Variants in TBX5 observed in about 807,000 individuals in gnomAD.
TBX5 encodes the protein T-box transcription factor TBX5.
A neutral mutation model predicts 51.1 loss-of-function variants in TBX5; 8 were observed. The observed-to-expected ratio is 0.16, with a 90% CI of 0.09 to 0.28. TBX5 has a LOEUF of 0.28. TBX5 is among the 10% of genes least tolerant of loss of function. The pLI is 1.00. For synonymous variants in TBX5, 302 were observed against 266.4 expected (o/e 1.13, Z -1.30); for missense variants, 589 against 671.7 (o/e 0.88, Z 1.36).
intron 7 of TBX5, among the ~76,000 whole-genome samples, chr12:114,369,072 A>G (rs991703513): frequency 2.0e-5 from 3 of 152,194 alleles, no homozygotes; most frequent in Admixed American, 6.5e-5. Context: ...AGTTGTCAAA[A>G]CTTGCCGACA....
chr12:114,373,154 A>G (rs1420524486), intron 7 of TBX5, among the ~76,000 whole-genome samples: 1 of 152,160 alleles, frequency 6.6e-6, no homozygotes, highest in South Asian at 2.1e-4. Flanking sequence ...AGAGCTGATC[A>G]CTTTTTCTAG....
intron 5 of TBX5, 40 bp downstream of exon 5, chr12:114,398,533 A>G: frequency 6.2e-7 from 1 of 1,603,354 alleles, no homozygotes; most frequent in Non-Finnish European, 8.5e-7. Flanking sequence ...AGAGAGGACA[A>G]GAGGGAGACA....
intron 6 of TBX5, among the ~76,000 whole-genome samples, chr12:114,385,840 CTT>C (rs35970834): frequency 2.1e-5 from 3 of 144,238 alleles, no homozygotes; most frequent in African/African-American, 2.6e-5. Flanking sequence ...CAGCTGGGTT[CTT>C]TTTTTTTTTT....
At chr12:114,372,479 ATT>A (rs35549331) in intron 7 of TBX5, among the ~76,000 whole-genome samples, 9 of 144,530 alleles carry the variant, frequency 6.2e-5, no homozygotes, top group Non-Finnish European at 6.1e-5. Flanking sequence ...CAATAGTTGT[ATT>A]TTTTTTTTTT....
At chr12:114,403,980 G>T in intron 1 of TBX5, 44 bp from the exon 2 acceptor site, 1 of 1,554,352 alleles carries the variant, frequency 6.4e-7, no homozygotes, top group Non-Finnish European at 8.7e-7. Flanking sequence ...GGAGGACAGA[G>T]AGAGAACGAG....
chr12:114,382,977 CAAA>C (rs34867756), intron 7 of TBX5, among the ~76,000 whole-genome samples: 30 of 92,948 alleles, frequency 3.2e-4, no homozygotes, highest in Non-Finnish European at 3.5e-4. Flanking sequence ...ACCCTGTCTC[CAAA>C]AAAAAAAAAA....
chr12:114,366,271 C>G lies in TBX5; in HGVS notation c.876G>C (p.Gln292His), dbSNP rs1433234073. 4 of 1,614,122 alleles carry G rather than the reference C, an allele frequency of 2.5e-6. 1 individual carries two copies. The South Asian group carries it at 4.4e-5, about 18-fold the overall frequency. ...AGGGGCCGGAAACACCATTCTCACA[C>G]TGGTATTGGGACCCCAAATTGGATG... Reference protein sequence around the residue: ...STSSNLGSQYQCENGVSGPSQ... With the variant: ...STSSNLGSQYHCENGVSGPSQ... The change falls in exon 8 of 9, where the codon CAG (glutamine) becomes CAC (histidine). Residue 292 changes from glutamine to histidine, a missense_variant. This residue lies in a region of TBX5 where 348 missense variants were observed against 360.4 expected (regional missense o/e 0.97). Transcript: ENST00000405440.
At chr12:114,391,576 C>G (rs1293724265) in intron 6 of TBX5, among the ~76,000 whole-genome samples, 1 of 152,130 alleles carries the variant, frequency 6.6e-6, no homozygotes, top group African/African-American at 2.4e-5. Flanking sequence ...CTTATTATCC[C>G]CATTTTACAG....
Position 114,355,577 on chromosome 12 carries a change from A to C in TBX5, c.1512T>G (p.Ser504=). 1 of 1,614,188 alleles carries C rather than the reference A, an allele frequency of 6.2e-7. No individual in the cohort carries two copies. Among genetic ancestry groups the C allele is most frequent in the African/African-American group, 1.3e-5 (1 of 75,050 alleles). Residue 504 remains serine (S), a synonymous_variant, in exon 9 of 9, where the codon TCT becomes TCG. Transcript: ENST00000405440. ...CTGGCACCATGCCAACTCCGTGCAC[A>C]GAGTGGTACTGATGAGGGGATAGAG... ...PRTLSPHQYH[S]VHGVGMVPEW...
chr12:114,408,121 C>A (rs930240480), upstream of TBX5: 3 of 985,318 alleles, frequency 3.0e-6, no homozygotes, highest in African/African-American at 5.2e-5. Context: ...GTCACGCAAC[C>A]GGCCCGCGCG....
intron 1 of TBX5, among the ~76,000 whole-genome samples, chr12:114,404,733 G>T (rs929499671): frequency 6.6e-6 from 1 of 152,142 alleles, no homozygotes; most frequent in Admixed American, 6.5e-5. Flanking sequence ...TCTGATGCCG[G>T]GCGGGGGATG....
chr12:114,359,501 A>G (rs7955405), intron 8 of TBX5, among the ~76,000 whole-genome samples: 101,583 of 152,006 alleles, frequency 0.67, 34,527 homozygotes, highest in Non-Finnish European at 0.74. Context: ...TGAGTCCACA[A>G]CTCGGCTTCA....
rs1871272657 is a variant in TBX5 at position 114,393,634 on chromosome 12, A to G, written c.663+1107T>C. ...CCCCCACCCTCCAACCTGCCGCTAT[A>G]GGCAGCCTGCTCCAAAGTCATTGTC... On this transcript the variant is annotated intron_variant, in intron 6 of 8. Transcript: ENST00000405440. Among the ~76,000 whole-genome samples, 3 of 152,170 alleles carry G rather than the reference A, an allele frequency of 2.0e-5. No homozygotes were observed. In the South Asian group the frequency reaches 6.2e-4, roughly 32 times the overall value.
chr12:114,379,700 C>T (rs1027922701), intron 7 of TBX5, among the ~76,000 whole-genome samples: 12 of 152,330 alleles, frequency 7.9e-5, no homozygotes, highest in South Asian at 2.1e-4. Context: ...AGCTGCTCAG[C>T]GCGGCAGCCT....
chr12:114,372,973 T>C (rs199862987), intron 7 of TBX5, among the ~76,000 whole-genome samples: 16 of 116,548 alleles, frequency 1.4e-4, no homozygotes, highest in East Asian at 7.0e-4. Flanking sequence ...TTAGCGAATA[T>C]ATATACATAC....
At position 114,394,735 on chromosome 12, in the gene TBX5, G is replaced by C. The variant is rs777162346; in HGVS notation, c.663+6C>G. 3 of 1,614,026 alleles carry C rather than the reference G, an allele frequency of 1.9e-6. No individual in the cohort carries two copies. Among genetic ancestry groups the C allele is most frequent in the South Asian group, 2.2e-5 (2 of 91,068 alleles). On this transcript the variant is annotated splice_donor_region_variant and intron_variant, in intron 6 of 8. Transcript: ENST00000405440. Reference sequence around the variant, plus strand: ...CCAGGCACTGGTTCCTGGGCTTCAGGCTTACCTTGTGGTTCTGGTAGGAAG... The same window carrying C: ...CCAGGCACTGGTTCCTGGGCTTCAGCCTTACCTTGTGGTTCTGGTAGGAAG...
intron 6 of TBX5, among the ~76,000 whole-genome samples, chr12:114,388,586 T>A (rs917436116): frequency 5.3e-5 from 8 of 152,046 alleles, no homozygotes; most frequent in Admixed American, 3.3e-4. Flanking sequence ...GGAGTGATCC[T>A]CCCACCTTGG....
chr12:114,398,315 AGAAAGCAAAGG>A (rs1228606685), intron 5 of TBX5, among the ~76,000 whole-genome samples: 1 of 152,154 alleles, frequency 6.6e-6, no homozygotes, highest in Middle Eastern at 3.2e-3. Context: ...AGGAAGAAAA[AGAAAGCAAAGG>A]GAAAGCAAGT....
intron 8 of TBX5, among the ~76,000 whole-genome samples, chr12:114,361,508 A>G (rs1380836744): frequency 6.6e-6 from 1 of 152,172 alleles, no homozygotes; most frequent in East Asian, 1.9e-4. Context: ...GATTTGATTG[A>G]GTGGCATTGA....
Sources: allele counts gnomAD v4.1 joint callset (sites outside exome capture counted in the v4.1 genomes callset), GRCh38; gene constraint gnomAD v4.1.1; regional missense constraint gnomAD v4.1.1; transcripts MANE v1.5; gene names NCBI Gene and HGNC (gene_info 2026-07-23, HGNC 2026-07-21).